SCN2A: variants seen among roughly 807,000 people sequenced by gnomAD.
The protein encoded by SCN2A is sodium voltage-gated channel alpha subunit 2, also known as sodium channel protein type 2 subunit alpha.
Under a neutral mutation model 188.7 loss-of-function variants are expected in SCN2A, and 20 were observed. That is an observed-to-expected ratio of 0.11 (90% confidence interval 0.07 to 0.15). The LOEUF (loss-of-function observed/expected upper bound fraction) is 0.15, where lower values mean the gene tolerates loss of function less well. Ranked by LOEUF, SCN2A falls within the 10% of genes least tolerant of loss-of-function variation. SCN2A has a pLI of 1.00. For synonymous variants in SCN2A, 804 were observed against 833.1 expected, an observed-to-expected ratio of 0.97 and a Z score of 0.60; for missense variants, 1,278 against 2,445.0, an observed-to-expected ratio of 0.52 and a Z score of 10.07.
intron 1 of SCN2A, among the ~76,000 whole-genome samples, chr2:165,288,504 AT>A (rs1175478961): frequency 2.0e-5 from 3 of 151,902 alleles, no homozygotes; most frequent in Non-Finnish European, 4.4e-5. Context: ...ACTATAAAAA[AT>A]AAGTTAGTTT....
Position 165,344,927 on chromosome 2 carries a change from A to G in SCN2A, c.2919+16A>G, listed in dbSNP as rs1343240110. The G allele has an allele frequency of 2.5e-6, 4 of 1,613,490 alleles. No homozygotes were observed. Among genetic ancestry groups the G allele is most frequent in the South Asian group, 2.2e-5 (2 of 91,074 alleles). ...AAATCTAGTGGTATGTAGCAAAAAC[A>G]TTTTCCTCATTTTCATTAAAAGATA... is the stretch of plus-strand genomic sequence containing the variant. On this transcript the variant is annotated intron_variant, in intron 16 of 26. Coordinates refer to ENST00000375437, the MANE Select transcript of SCN2A (RefSeq NM_001040142.2).
intron 1 of SCN2A, among the ~76,000 whole-genome samples, chr2:165,258,847 A>G (rs1473586757): frequency 2.0e-5 from 3 of 152,226 alleles, no homozygotes; most frequent in Non-Finnish European, 4.4e-5. Flanking sequence ...AAAACCCAAT[A>G]CCACATGTTC....
At position 165,378,690 on chromosome 2, in the gene SCN2A, C is replaced by T. The variant is rs549970202; in HGVS notation, c.4308+1040C>T. ...TGATTAATTAATTCAATGCTCTCTC[C>T]ACCTTCCTTATCAATAGCTTATATG... On this transcript the variant is annotated intron_variant, in intron 23 of 26. Transcript: ENST00000375437. Among the ~76,000 whole-genome samples the T allele has an allele frequency of 1.3e-4, 19 of 151,814 alleles. No homozygotes were observed. In the South Asian group the frequency reaches 3.7e-3, roughly 30 times the overall value.
chr2:165,263,182 C>T (rs2106090325), intron 1 of SCN2A, among the ~76,000 whole-genome samples: 1 of 152,226 alleles, frequency 6.6e-6, no homozygotes, highest in East Asian at 1.9e-4. Flanking sequence ...TTTTATCCCA[C>T]TCTGTGGGTT....
At chr2:165,355,500 A>G (rs73969377) in intron 17 of SCN2A, among the ~76,000 whole-genome samples, 5,274 of 152,262 alleles carry the variant, frequency 0.035, 291 homozygotes, top group African/African-American at 0.12. Context: ...TTAATTGTTT[A>G]TACAAAAATG....
intron 1 of SCN2A, chr2:165,268,049 G>A (rs1308024734): frequency 6.6e-6 from 1 of 151,884 alleles, no homozygotes; most frequent in Non-Finnish European, 1.5e-5. Flanking sequence ...CCTCAAAAAA[G>A]TAAATACAGA....
At chr2:165,288,334 ACTTTTGTTAC>A (rs982451323) in intron 1 of SCN2A, among the ~76,000 whole-genome samples, 3 of 151,764 alleles carry the variant, frequency 2.0e-5, no homozygotes, top group African/African-American at 7.3e-5. Context: ...GGTTTTTTAG[ACTTTTGTTAC>A]CTAAAATTCT....
chr2:165,379,867 C>T (rs1701508769), intron 23 of SCN2A, among the ~76,000 whole-genome samples: 1 of 151,704 alleles, frequency 6.6e-6, no homozygotes, highest in Non-Finnish European at 1.5e-5. Context: ...CCTGTGAAAG[C>T]TTACAGCTAA....
At chr2:165,352,910 T>G (rs1203108416) in intron 16 of SCN2A, among the ~76,000 whole-genome samples, 1 of 152,206 alleles carries the variant, frequency 6.6e-6, no homozygotes, top group Non-Finnish European at 1.5e-5. Context: ...TGCCCCCCTT[T>G]ACTGCTATAT....
At position 165,323,232 on chromosome 2, in the gene SCN2A, G is replaced by T; in HGVS notation, c.1748G>T (p.Arg583Leu). The change falls in exon 12 of 27, where the codon CGA (arginine) becomes CTA (leucine). Residue 583 changes from arginine to leucine, a missense_variant. Arg to Leu is a moderately radical substitution (Grantham distance 102, BLOSUM62 -2). Transcript: ENST00000375437. ...GCGAGCCTTTTCAGCTTCAGAGGTC[G>T]AGCAAAGGACATTGGCTCTGAGAAT... ...SRASLFSFRG[R>L]AKDIGSENDF... The T allele has an allele frequency of 6.2e-7, 1 of 1,614,140 alleles. No homozygotes were observed. The highest frequency in any genetic ancestry group is 8.5e-7 in the Non-Finnish European group (1 of 1,180,040).
At chr2:165,300,943 G>A (rs72872496) in intron 3 of SCN2A, among the ~76,000 whole-genome samples, 32,868 of 151,868 alleles carry the variant, frequency 0.22, 3,964 homozygotes, top group Non-Finnish European at 0.27. Flanking sequence ...TCATTATGAA[G>A]GCAAGAGAGC....
intron 22 of SCN2A, among the ~76,000 whole-genome samples, chr2:165,375,683 C>G (rs1222616365): frequency 6.6e-6 from 1 of 151,950 alleles, no homozygotes; most frequent in Non-Finnish European, 1.5e-5. Flanking sequence ...TAGGAAACTG[C>G]TTCTTTTTGT....
At chr2:165,356,710 C>G (rs1700197481) in intron 17 of SCN2A, among the ~76,000 whole-genome samples, 2 of 152,158 alleles carry the variant, frequency 1.3e-5, no homozygotes, top group African/African-American at 4.8e-5. Context: ...GACATCCAGT[C>G]TTCTTAACTT....
intron 6 of SCN2A, among the ~76,000 whole-genome samples, chr2:165,309,850 T>C (rs1049940797): frequency 2.6e-5 from 4 of 152,166 alleles, no homozygotes; most frequent in Non-Finnish European, 4.4e-5. Flanking sequence ...GGGGCTCAGA[T>C]TTCAGATGTC....
chr2:165,248,065 A>G (rs762088092), intron 1 of SCN2A, among the ~76,000 whole-genome samples: 1 of 152,110 alleles, frequency 6.6e-6, no homozygotes, highest in Non-Finnish European at 1.5e-5. Flanking sequence ...CCCAGGATCT[A>G]TGTGCTGCCA....
At chr2:165,327,155 ATTT>A (rs66861006) in intron 13 of SCN2A, 171 bp downstream of exon 13, 571 of 646,084 alleles carry the variant, frequency 8.8e-4, no homozygotes, top group East Asian at 1.2e-3. Context: ...TCTTCCACAG[ATTT>A]TTTTTTTTTA....
In SCN2A at chr2:165,354,139, G is replaced by A. The variant is rs1700065542; in HGVS notation, c.2920-53G>A. The stretch of plus-strand genomic sequence containing the variant: ...AATCTTAGAAAACTAATGATGGAAA[G>A]CAATTGAAGCAATAGAATGTTTTGA... On this transcript the variant is annotated intron_variant, in intron 16 of 26. Transcript: ENST00000375437. 6 of 1,609,422 alleles carry A rather than the reference G, an allele frequency of 3.7e-6. No homozygotes were observed. The Admixed American group carries it at 8.3e-5, about 22-fold the overall frequency.
At chr2:165,383,445 T>C (rs867192437) in intron 25 of SCN2A, among the ~76,000 whole-genome samples, 1 of 152,098 alleles carries the variant, frequency 6.6e-6, no homozygotes, top group African/African-American at 2.4e-5. Context: ...TGGGACACAC[T>C]GAGAATAAAG....
At chr2:165,351,415 G>T (rs1308096441) in intron 16 of SCN2A, among the ~76,000 whole-genome samples, 1 of 152,106 alleles carries the variant, frequency 6.6e-6, no homozygotes, top group African/African-American at 2.4e-5. Flanking sequence ...AAAGATCAGA[G>T]AAACAATTCG....
Sources: allele counts gnomAD v4.1 joint callset (sites outside exome capture counted in the v4.1 genomes callset), GRCh38; gene constraint gnomAD v4.1.1; transcripts MANE v1.5; gene names NCBI Gene and HGNC (gene_info 2026-07-23, HGNC 2026-07-21).